The following DIDO1 variants were observed in gnomAD, a reference collection of about 807,000 sequenced individuals.
DIDO1 encodes death-inducer obliterator 1.
Under a neutral mutation model 99.4 loss-of-function variants are expected in DIDO1, and 16 were observed. The observed-to-expected ratio is 0.16, with a 90% CI of 0.11 to 0.24. The LOEUF is 0.24. DIDO1 is among the 10% of genes least tolerant of loss of function. The pLI is 1.00. For missense variants in DIDO1, 2,996 were observed against 3,014.0 expected (o/e 0.99, Z 0.14); for synonymous variants, 1,366 against 1,239.1 (o/e 1.10, Z -2.15).
At chr20:62,887,910 C>T (rs1600919188) in intron 15 of DIDO1, 2 of 985,506 alleles carry the variant, frequency 2.0e-6, no homozygotes, top group African/African-American at 1.7e-5. Context: ...AGTGCCCCCA[C>T]TGCGGGGCAG....
At chr20:62,897,032 A>C (rs1234290219) in intron 6 of DIDO1, 36 bp from the exon 7 acceptor site, 7 of 1,570,012 alleles carry the variant, frequency 4.5e-6, no homozygotes, top group Non-Finnish European at 6.0e-6. Flanking sequence ...GTAAGGGAGG[A>C]CACCACAGGG....
At chr20:62,885,339 A>G (rs2064280096) in intron 15 of DIDO1, among the ~76,000 whole-genome samples, 1 of 152,190 alleles carries the variant, frequency 6.6e-6, no homozygotes, top group South Asian at 2.1e-4. Context: ...GGGACATGCC[A>G]CCCAAGGGAG....
chr20:62,902,267 C>G (rs1352334905), intron 6 of DIDO1, among the ~76,000 whole-genome samples: 1 of 152,154 alleles, frequency 6.6e-6, no homozygotes, highest in African/African-American at 2.4e-5. Flanking sequence ...AAGTAAAACA[C>G]TTAAAAATAA....
chr20:62,888,853 A>G, intron 15 of DIDO1: 1 of 985,494 alleles, frequency 1.0e-6, no homozygotes, highest in South Asian at 4.7e-5. Context: ...ACACGCATTC[A>G]TGTCAACAAG....
At chr20:62,922,826 C>T (rs907923737) in intron 1 of DIDO1, among the ~76,000 whole-genome samples, 2 of 152,164 alleles carry the variant, frequency 1.3e-5, no homozygotes, top group East Asian at 1.9e-4. Context: ...GGGAAGAGAG[C>T]GGGTGACATA....
chr20:62,900,946 C>T (rs927075688), intron 6 of DIDO1, among the ~76,000 whole-genome samples: 5 of 152,222 alleles, frequency 3.3e-5, no homozygotes, highest in African/African-American at 1.2e-4. Flanking sequence ...CTCAGTGAGG[C>T]GTGTGTACAA....
Position 62,901,170 on chromosome 20 carries a change from C to T in DIDO1, c.1589-4174G>A, listed in dbSNP as rs577900327. ...CCCAAATACAGCAGGCAGACTACAT[C>T]GCAGACGCTCCTCAGAGGAGACCAT... On this transcript the variant is annotated intron_variant, in intron 6 of 15. Transcript: ENST00000395343. Among the ~76,000 whole-genome samples, 32 of 152,292 alleles carry T rather than the reference C, an allele frequency of 2.1e-4. No individual in the cohort carries two copies. The South Asian group carries it at 5.8e-3, about 28-fold the overall frequency.
chr20:62,924,477 A>G (rs1411519361), intron 1 of DIDO1, among the ~76,000 whole-genome samples: 3 of 152,236 alleles, frequency 2.0e-5, no homozygotes, highest in African/African-American at 4.8e-5. Context: ...CTTAAAAATA[A>G]ACACTGAAGA....
rs1032042321 is a variant in DIDO1, at chr20:62,910,098, T to G, written c.840-78A>C. ...TTCAACACATTAATAAGACAATTGGTTTTAACTTCATGAAAAAATGCAAAT... is the reference window on the plus strand; with the variant it reads ...TTCAACACATTAATAAGACAATTGGGTTTAACTTCATGAAAAAATGCAAAT... On this transcript the variant is annotated intron_variant, in intron 3 of 15. Coordinates refer to ENST00000395343, the MANE Select transcript of DIDO1 (RefSeq NM_001193369.2). The G allele has an allele frequency of 3.5e-6, 5 of 1,435,118 alleles. No homozygotes were observed. In the African/African-American group the frequency reaches 7.1e-5, roughly 20 times the overall value. 88.9% of individuals were successfully genotyped at this position (1,435,118 alleles called of 1,614,324 possible).
At chr20:62,937,538 T>C (rs962887307) in intron 1 of DIDO1, among the ~76,000 whole-genome samples, 1 of 152,220 alleles carries the variant, frequency 6.6e-6, no homozygotes, top group Non-Finnish European at 1.5e-5. Flanking sequence ...ATTCCCCACC[T>C]GGCCTCGAGT....
intron 1 of DIDO1, among the ~76,000 whole-genome samples, chr20:62,916,860 C>T (rs1376056742): frequency 1.3e-5 from 2 of 152,252 alleles, no homozygotes; most frequent in Non-Finnish European, 2.9e-5. Flanking sequence ...GAATTTGCAG[C>T]CTTTGTCAAG....
rs767251086 is a variant in DIDO1 at position 62,880,993 on chromosome 20, C to G, written c.4963G>C (p.Ala1655Pro). 4 of 1,605,506 alleles carry G rather than the reference C, an allele frequency of 2.5e-6. No individual in the cohort carries two copies. The highest frequency in any genetic ancestry group is 1.3e-5 in the African/African-American group (1 of 74,992). The part of the protein sequence containing the change: ...ATVGDSSARP[A>P]RRVLLPTPPC... ...GGTGTGGGCAGCAGCACCCTCCGGG[C>G]AGGCCTGGCCGAGCTGTCTCCAACC... Residue 1655 changes from alanine to proline, a missense_variant, in exon 16 of 16, where the codon GCC becomes CCC. By Grantham distance (27) the Ala-to-Pro change is conservative. Transcript: ENST00000395343.
chr20:62,933,997 G>C (rs2065356679), intron 1 of DIDO1, among the ~76,000 whole-genome samples: 1 of 152,202 alleles, frequency 6.6e-6, no homozygotes, highest in African/African-American at 2.4e-5. Flanking sequence ...CTGAACACCT[G>C]GTTGCCCCTC....
chr20:62,934,419 C>T (rs866277442), intron 1 of DIDO1, among the ~76,000 whole-genome samples: 1 of 152,198 alleles, frequency 6.6e-6, no homozygotes, highest in Middle Eastern at 3.2e-3. Context: ...GAGCTTAGGA[C>T]TTCTGACCTC....
chr20:62,881,563 C>A lies in DIDO1; in HGVS notation c.4393G>T (p.Ala1465Ser). ...ACCAGGGAGGGCGTCGCAGCCCCGGCCACCGGCTCGGCAGGCCTCTCCACG... is the reference window on the plus strand; with the variant it reads ...ACCAGGGAGGGCGTCGCAGCCCCGGACACCGGCTCGGCAGGCCTCTCCACG... Reference protein sequence around the residue: ...NSVERPAEPVAGAATPSLVEQ... With the variant: ...NSVERPAEPVSGAATPSLVEQ... Residue 1465 changes from alanine to serine, a missense_variant, in exon 16 of 16, where the codon GCC becomes TCC. By Grantham distance (99) the Ala-to-Ser change is moderately conservative (BLOSUM62 1). Around this residue, in one of 5 missense-constraint regions of DIDO1, gnomAD observed 1,562 missense variants for 1,412.6 expected, o/e 1.11. Transcript: ENST00000395343. The surrounding 1 kb of genome is among the most constrained non-coding windows in gnomAD (Gnocchi z 8.3). The A allele has an allele frequency of 6.2e-7, 1 of 1,611,318 alleles. No individual in the cohort carries two copies. Among genetic ancestry groups the A allele is most frequent in the South Asian group, 1.1e-5 (1 of 91,080 alleles).
In DIDO1 at chr20:62,894,235, G is replaced by A; in HGVS notation, c.2573-41C>T. The A allele has an allele frequency of 6.3e-7, 1 of 1,595,264 alleles. No individual in the cohort carries two copies. Among genetic ancestry groups the A allele is most frequent in the Non-Finnish European group, 8.6e-7 (1 of 1,168,428 alleles). ...AAAGGCTCTGTGAGAAACCCAGCCG[G>A]CACACTGGTGTTTCTCACACAAAGC... On this transcript the variant is annotated intron_variant, in intron 11 of 15. Coordinates refer to ENST00000395343, the MANE Select transcript of DIDO1 (RefSeq NM_001193369.2). The surrounding 1 kb of genome is among the most constrained non-coding windows in gnomAD (Gnocchi z 4.4).
Position 62,895,136 on chromosome 20 carries a change from T to G in DIDO1, c.2244A>C (p.Glu748Asp). 1 of 1,611,726 alleles carries G rather than the reference T, an allele frequency of 6.2e-7. No individual in the cohort carries two copies. The highest frequency in any genetic ancestry group is 2.2e-5 in the East Asian group (1 of 44,778). Residue 748 changes from glutamate (E) to aspartate (D), a missense_variant, in exon 9 of 16, where the codon GAA (glutamate) becomes GAC (aspartate). Physicochemically the swap from Glu to Asp is conservative, Grantham distance 45 (BLOSUM62 2). Around this residue, in one of 5 missense-constraint regions of DIDO1, gnomAD observed 898 missense variants for 972.7 expected, o/e 0.92. Transcript: ENST00000395343. ...QGLFHRVLRE[E>D]ISLAKLVRLK... The stretch of plus-strand genomic sequence containing the variant: ...GTCTCACAAGTTTCGCCAAAGAGAT[T>G]TCCTCACGCAGAACACGATGGAAGA...
chr20:62,936,474 G>A (rs1011614295), intron 1 of DIDO1, among the ~76,000 whole-genome samples: 16 of 151,938 alleles, frequency 1.1e-4, no homozygotes, highest in Non-Finnish European at 2.1e-4. Flanking sequence ...AGAATCACTT[G>A]AACCCAGGAG....
intron 4 of DIDO1, among the ~76,000 whole-genome samples, chr20:62,907,624 C>T (rs1427607929): frequency 6.6e-6 from 1 of 152,248 alleles, no homozygotes; most frequent in East Asian, 1.9e-4. Context: ...CTCTGTGCAC[C>T]CCTCTCGAGG....
Sources: allele counts gnomAD v4.1 joint callset (sites outside exome capture counted in the v4.1 genomes callset), GRCh38; gene constraint gnomAD v4.1.1; regional missense constraint gnomAD v4.1.1; non-coding constraint Gnocchi (gnomAD v3.1); transcripts MANE v1.5; gene names NCBI Gene and HGNC (gene_info 2026-07-23, HGNC 2026-07-21).